The following CWC22 variants were observed in gnomAD, a reference collection of about 807,000 sequenced individuals.
CWC22 encodes the protein pre-mRNA-splicing factor CWC22 homolog.
A neutral mutation model predicts 117.2 loss-of-function variants in CWC22; 53 were observed. That is an observed-to-expected ratio of 0.45 (90% confidence interval 0.36 to 0.57). CWC22 has a LOEUF of 0.57. CWC22 is among the 20% of genes least tolerant of loss of function. CWC22 has a pLI of 0.00. For synonymous variants in CWC22, 360 were observed against 355.6 expected, an observed-to-expected ratio of 1.01 and a Z score of -0.14; for missense variants, 980 against 1,068.8, an observed-to-expected ratio of 0.92 and a Z score of 1.16.
At chr2:180,005,676 G>A (rs1053925543) in intron 1 of CWC22, among the ~76,000 whole-genome samples, 3 of 152,196 alleles carry the variant, frequency 2.0e-5, no homozygotes, top group Non-Finnish European at 2.9e-5. Context: ...GAGGAACAGA[G>A]AGAACTCATC....
intron 4 of CWC22, among the ~76,000 whole-genome samples, chr2:179,986,153 T>C (rs1051975912): frequency 3.9e-5 from 6 of 152,100 alleles, no homozygotes; most frequent in African/African-American, 1.4e-4. Flanking sequence ...AAGGAAATAT[T>C]GCAAGTCTTG....
At chr2:179,995,469 G>C (rs1311094026) in intron 1 of CWC22, among the ~76,000 whole-genome samples, 1 of 152,164 alleles carries the variant, frequency 6.6e-6, no homozygotes, top group East Asian at 1.9e-4. Flanking sequence ...AGAGAGGTTC[G>C]AGACTAGAGA....
chr2:179,946,473 G>GA (rs1438663122), intron 19 of CWC22, among the ~76,000 whole-genome samples: 1 of 136,210 alleles, frequency 7.3e-6, no homozygotes, highest in African/African-American at 2.7e-5. Context: ...AAGGGGGGGG[G>GA]GGAAGGGGAG....
intron 8 of CWC22, among the ~76,000 whole-genome samples, chr2:179,971,321 A>G (rs1324752959): frequency 2.0e-5 from 3 of 152,168 alleles, no homozygotes; most frequent in Non-Finnish European, 4.4e-5. Flanking sequence ...TATGCTGAAT[A>G]CAACTATTTG....
chr2:179,946,011 T>C (rs998478056), intron 19 of CWC22, among the ~76,000 whole-genome samples: 36 of 152,166 alleles, frequency 2.4e-4, no homozygotes, highest in Non-Finnish European at 7.4e-5. Flanking sequence ...GCCTCCCGAA[T>C]AGATGAGATT....
Position 179,993,364 on chromosome 2 carries a change from T to C in CWC22, c.-23A>G. On this transcript the variant is annotated 5_prime_UTR_variant, in exon 2 of 20. Transcript: ENST00000410053. Reference sequence around the variant, plus strand: ...CATTTTCTGTTGCCAGTTGGTCCAATAAATCAAAGATGCTTCAAACTGGTC... The same window carrying C: ...CATTTTCTGTTGCCAGTTGGTCCAACAAATCAAAGATGCTTCAAACTGGTC... The C allele has an allele frequency of 1.3e-6, 2 of 1,552,850 alleles. No homozygotes were observed. The highest frequency in any genetic ancestry group is 1.7e-6 in the Non-Finnish European group (2 of 1,143,290).
chr2:179,972,569 T>TA (rs1575648032), intron 8 of CWC22, among the ~76,000 whole-genome samples: 1 of 152,190 alleles, frequency 6.6e-6, no homozygotes, highest in African/African-American at 2.4e-5. Flanking sequence ...GTGGAGGAGA[T>TA]ACCAACTTTA....
At position 179,981,972 on chromosome 2, in the gene CWC22, C is replaced by T; in HGVS notation, c.232G>A (p.Glu78Lys). Residue 78 changes from glutamate to lysine, a missense_variant, in exon 5 of 20, where the codon GAA (glutamate) becomes AAA (lysine). Transcript: ENST00000410053. ...SRNRDREKRR[E>K]RERDTDRKRS... ...TTCCGATCCGTATCTCTTTCTCTTTCTCTGCGTTTTTCTCGGTCCCTGTTT... is the reference window on the plus strand; with the variant it reads ...TTCCGATCCGTATCTCTTTCTCTTTTTCTGCGTTTTTCTCGGTCCCTGTTT... 1 of 1,550,924 alleles carries T rather than the reference C, an allele frequency of 6.4e-7. No individual in the cohort carries two copies. Among genetic ancestry groups the T allele is most frequent in the Non-Finnish European group, 8.7e-7 (1 of 1,145,886 alleles).
intron 6 of CWC22, among the ~76,000 whole-genome samples, chr2:179,974,315 A>T (rs915345263): frequency 4.4e-4 from 67 of 152,340 alleles, no homozygotes; most frequent in African/African-American, 1.6e-3. Context: ...CTCCTGTGAG[A>T]AATAAAGAAA....
intron 11 of CWC22, among the ~76,000 whole-genome samples, chr2:179,970,278 G>T (rs1368194635): frequency 6.6e-6 from 1 of 152,060 alleles, no homozygotes; most frequent in Non-Finnish European, 1.5e-5. Flanking sequence ...TAGTTTAGAG[G>T]GAAAGAGGAA....
intron 2 of CWC22, among the ~76,000 whole-genome samples, chr2:179,991,797 T>G (rs757207032): frequency 5.3e-5 from 8 of 152,162 alleles, no homozygotes; most frequent in Non-Finnish European, 8.8e-5. Context: ...TAAGTAACAA[T>G]GGACCAATGA....
At chr2:180,004,099 CA>C (rs1220173955) in intron 1 of CWC22, among the ~76,000 whole-genome samples, 1 of 152,104 alleles carries the variant, frequency 6.6e-6, no homozygotes, top group East Asian at 1.9e-4. Flanking sequence ...AGGGAGGCTT[CA>C]AAGTTATAAG....
chr2:180,001,578 C>T (rs1687851788), intron 1 of CWC22, among the ~76,000 whole-genome samples: 1 of 152,304 alleles, frequency 6.6e-6, no homozygotes, highest in South Asian at 2.1e-4. Context: ...GATCTGCCCA[C>T]CTGGGCCTCC....
chr2:179,964,571 G>A lies in CWC22; in HGVS notation c.1373C>T (p.Thr458Ile), dbSNP rs1178381701. Residue 458 changes from threonine (T) to isoleucine (I), a missense_variant, in exon 13 of 20, where the codon ACA becomes ATA. Transcript: ENST00000410053. ...CCTTGACTGAATAGCAAGATAAATT[G>A]TACGACGAAATGAGACCAGGTTAAT... ...TEINLVSFRR[T>I]IYLAIQSSLD... 1 of 1,568,812 alleles carries A rather than the reference G, an allele frequency of 6.4e-7. No homozygotes were observed. The highest frequency in any genetic ancestry group is 2.3e-5 in the East Asian group (1 of 43,694).
At chr2:179,982,071 G>A (rs1687300817) in intron 4 of CWC22, 74 bp from the exon 5 acceptor site, 2 of 776,618 alleles carry the variant, frequency 2.6e-6, no homozygotes, top group East Asian at 2.7e-5. Flanking sequence ...GCACACAAAT[G>A]AGTGAGACCA....
At position 179,970,529 on chromosome 2, in the gene CWC22, A is replaced by G; in HGVS notation, c.1182T>C (p.Asn394=). The G allele has an allele frequency of 6.5e-7, 1 of 1,543,778 alleles. No homozygotes were observed. Among genetic ancestry groups the G allele is most frequent in the Non-Finnish European group, 8.8e-7 (1 of 1,140,902 alleles). ...TCTTAATAGCTTTGTACTTCTCTTC[A>G]TTCTCCATAAAATTAGGATCCATCT... The part of the protein sequence containing the change: ...VFKMDPNFME[N]EEKYKAIKKE... Residue 394 remains asparagine (N), a synonymous_variant, in exon 11 of 20, where the codon AAT becomes AAC. Coordinates refer to ENST00000410053, the MANE Select transcript of CWC22 (RefSeq NM_020943.3).
chr2:179,971,073 G>A lies in CWC22; in HGVS notation c.808C>T (p.His270Tyr). 3 of 1,556,858 alleles carry A rather than the reference G, an allele frequency of 1.9e-6. No homozygotes were observed. The highest frequency in any genetic ancestry group is 2.6e-6 in the Non-Finnish European group (3 of 1,150,314). Residue 270 changes from histidine (H) to tyrosine (Y), a missense_variant, in exon 9 of 20, where the codon CAC (histidine) becomes TAC (tyrosine). Transcript: ENST00000410053. ...VAHLINQNVA[H>Y]EVLCLEMLTL... Reference sequence around the variant, plus strand: ...AGCATCTCTAAGCATAATACTTCGTGTGCCTTAAATAAAATACATATACAA... The same window carrying A: ...AGCATCTCTAAGCATAATACTTCGTATGCCTTAAATAAAATACATATACAA...
At chr2:179,974,894 G>A (rs1575649172) in intron 6 of CWC22, among the ~76,000 whole-genome samples, 1 of 152,088 alleles carries the variant, frequency 6.6e-6, no homozygotes, top group South Asian at 2.1e-4. Context: ...TGGGACTACT[G>A]TGTGCCACCA....
At chr2:179,999,947 A>G (rs1452382306) in intron 1 of CWC22, among the ~76,000 whole-genome samples, 1 of 152,184 alleles carries the variant, frequency 6.6e-6, no homozygotes, top group African/African-American at 2.4e-5. Flanking sequence ...ACGGAACGGA[A>G]TTCTCAGAAA....
Sources: gnomAD v4.1 joint callset for allele counts (sites outside exome capture counted in the v4.1 genomes callset) on GRCh38, gnomAD v4.1.1 for gene constraint, MANE v1.5 for transcripts, NCBI Gene and HGNC (gene_info 2026-07-23, HGNC 2026-07-21) for gene names.